DLG2: variants seen among roughly 807,000 people sequenced by gnomAD.
DLG2 encodes discs large MAGUK scaffold protein 2.
Under a neutral mutation model 132.5 loss-of-function variants are expected in DLG2, and 45 were observed. The observed-to-expected ratio is 0.34, with a 90% CI of 0.27 to 0.44. DLG2 has a LOEUF of 0.44. DLG2 is among the 20% of genes least tolerant of loss of function. The probability of loss-of-function intolerance (pLI) is 1.00; values close to 1 mark genes in which losing one functional copy is unlikely to be tolerated. For missense variants in DLG2, 1,045 were observed against 1,196.9 expected (o/e 0.87, Z 1.87); for synonymous variants, 424 against 419.6 (o/e 1.01, Z -0.13).
intron 6 of DLG2, chr11:84,640,438 T>C (rs760370428): frequency 2.4e-5 from 11 of 466,464 alleles, no homozygotes; most frequent in Admixed American, 1.3e-4. Flanking sequence ...GGAAACAACA[T>C]TGAGCTTATT....
At chr11:83,649,087 G>T (rs1028174975) in intron 18 of DLG2, among the ~76,000 whole-genome samples, 1 of 152,126 alleles carries the variant, frequency 6.6e-6, no homozygotes, top group Non-Finnish European at 1.5e-5. Context: ...GCACAACACG[G>T]GGTTGGGGGA....
rs2077299300 is a variant in DLG2, at chr11:85,562,337, T to C, written c.40+36320A>G. On this transcript the variant is annotated intron_variant, in intron 3 of 27. Transcript: ENST00000376104. ...TATTTAATTTAGAGCTAAGAATTCC[T>C]TGGGTATCAGTGAGAAGAGAAAATG... 2.0e-5 allele frequency among the ~76,000 whole-genome samples: 3 copies of C among 151,840 alleles called. No homozygotes were observed. The South Asian group carries it at 6.2e-4, about 32-fold the overall frequency.
At chr11:84,594,604 G>A (rs1383015625) in intron 6 of DLG2, among the ~76,000 whole-genome samples, 1 of 152,234 alleles carries the variant, frequency 6.6e-6, no homozygotes, top group African/African-American at 2.4e-5. Flanking sequence ...GGTAGAACAT[G>A]AGGCTGGAAA....
intron 22 of DLG2, chr11:83,480,741 AC>A (rs1301531723): frequency 2.2e-6 from 2 of 892,528 alleles, no homozygotes; most frequent in African/African-American, 3.3e-5. Context: ...GATTTATGTG[AC>A]AATGACTAGT....
At chr11:84,564,781 GC>G (rs919064783) in intron 6 of DLG2, among the ~76,000 whole-genome samples, 3 of 152,164 alleles carry the variant, frequency 2.0e-5, no homozygotes, top group African/African-American at 7.2e-5. Context: ...GTGCCTGGCT[GC>G]TGCCACCTGG....
chr11:85,196,231 A>G (rs1565142633), intron 4 of DLG2, among the ~76,000 whole-genome samples: 1 of 152,200 alleles, frequency 6.6e-6, no homozygotes, highest in Non-Finnish European at 1.5e-5. Flanking sequence ...TTTAACACCA[A>G]ATGAAAACTA....
intron 6 of DLG2, among the ~76,000 whole-genome samples, chr11:84,840,361 G>C (rs1208192676): frequency 6.6e-6 from 1 of 152,148 alleles, no homozygotes; most frequent in Non-Finnish European, 1.5e-5. Context: ...AGAGGATGTG[G>C]AGATATAGGA....
intron 21 of DLG2, among the ~76,000 whole-genome samples, chr11:83,511,333 A>C (rs1472798565): frequency 6.6e-6 from 1 of 152,202 alleles, no homozygotes; most frequent in African/African-American, 2.4e-5. Context: ...CATTCCACTT[A>C]TGAGTAAATG....
chr11:83,564,341 G>C (rs908863546), intron 19 of DLG2, among the ~76,000 whole-genome samples: 38 of 150,928 alleles, frequency 2.5e-4, no homozygotes, highest in Non-Finnish European at 3.2e-4. Flanking sequence ...GCACTGGAAT[G>C]GGGGGGGTCA....
At chr11:83,538,429 G>A (rs1305127376) in intron 20 of DLG2, among the ~76,000 whole-genome samples, 5 of 152,198 alleles carry the variant, frequency 3.3e-5, no homozygotes, top group African/African-American at 9.6e-5. Context: ...TCTAGGCTTA[G>A]CCCTCTGCTG....
intron 3 of DLG2, among the ~76,000 whole-genome samples, chr11:85,320,569 G>C (rs1202738367): frequency 6.6e-6 from 1 of 151,874 alleles, no homozygotes; most frequent in Non-Finnish European, 1.5e-5. Flanking sequence ...ATAAATATAT[G>C]ATATATGTCA....
chr11:84,834,791 T>C (rs534276560), intron 6 of DLG2, among the ~76,000 whole-genome samples: 87 of 74,912 alleles, frequency 1.2e-3, no homozygotes, highest in African/African-American at 3.5e-3. Flanking sequence ...TTTTAGTCTT[T>C]TCTCAGAAAA....
chr11:84,837,214 GAA>G (rs1285954601), intron 6 of DLG2, among the ~76,000 whole-genome samples: 4 of 151,870 alleles, frequency 2.6e-5, no homozygotes, highest in African/African-American at 9.7e-5. Context: ...GGCATAGGAA[GAA>G]ATGGTCTAAA....
chr11:85,421,777 G>A (rs2090333230), intron 3 of DLG2, among the ~76,000 whole-genome samples: 1 of 151,560 alleles, frequency 6.6e-6, no homozygotes, highest in South Asian at 2.1e-4. Context: ...TTGTTTTCTT[G>A]GTCCTCTGAG....
At chr11:84,916,376 A>AAAAAAAAAAAAAAC (rs2092468945) in intron 6 of DLG2, among the ~76,000 whole-genome samples, 1 of 149,140 alleles carries the variant, frequency 6.7e-6, no homozygotes, top group Non-Finnish European at 1.5e-5. Context: ...AAAAAAAAAA[A>AAAAAAAAAAAAAAC]AAAGAAGCAG....
At chr11:85,583,511 C>T (rs1040116389) in intron 3 of DLG2, among the ~76,000 whole-genome samples, 1 of 151,884 alleles carries the variant, frequency 6.6e-6, no homozygotes, top group Non-Finnish European at 1.5e-5. Flanking sequence ...TATGGTATAT[C>T]TGTAGGTTAT....
At position 84,536,854 on chromosome 11, in the gene DLG2, C is replaced by G. The variant is rs536961557; in HGVS notation, c.358-2123G>C. ...TATTCTTCCCATACCCCCACCAACA[C>G]TGTCCATGTTCAGGATCCCATAAGT... On this transcript the variant is annotated intron_variant, in intron 6 of 27. Transcript: ENST00000376104. Among the ~76,000 whole-genome samples, 302 of 152,280 alleles carry G rather than the reference C, an allele frequency of 2.0e-3. 2 individuals are homozygous for G. The highest frequency in any genetic ancestry group is 6.9e-3 in the African/African-American group (287 of 41,552).
At chr11:85,408,085 T>C (rs1291063805) in intron 3 of DLG2, among the ~76,000 whole-genome samples, 3 of 151,392 alleles carry the variant, frequency 2.0e-5, no homozygotes, top group Non-Finnish European at 4.4e-5. Context: ...ATTTTTTGTG[T>C]TCTGTATTTT....
chr11:84,194,868 C>G (rs1032268879), intron 8 of DLG2, among the ~76,000 whole-genome samples: 1 of 152,168 alleles, frequency 6.6e-6, no homozygotes, highest in Non-Finnish European at 1.5e-5. Flanking sequence ...CTGGGGCCGG[C>G]GGCGCTGGCC....
Sources: allele counts gnomAD v4.1 joint callset (sites outside exome capture counted in the v4.1 genomes callset), GRCh38; gene constraint gnomAD v4.1.1; transcripts MANE v1.5; gene names NCBI Gene and HGNC (gene_info 2026-07-23, HGNC 2026-07-21).